Variants in SYNDIG1 observed in about 807,000 individuals in gnomAD.
The protein encoded by SYNDIG1 is synapse differentiation inducing 1.
Under a neutral mutation model 19.4 loss-of-function variants are expected in SYNDIG1, and 9 were observed. That is an observed-to-expected ratio of 0.46 (90% CI 0.28 to 0.81). The LOEUF (loss-of-function observed/expected upper bound fraction) is 0.81, where lower values mean the gene tolerates loss of function less well. Among genes scored for constraint, SYNDIG1 ranks in the 30% least tolerant of loss-of-function variants. The pLI is 0.12. For synonymous variants in SYNDIG1, 141 were observed against 145.9 expected (o/e 0.97, Z 0.24); for missense variants, 311 against 343.3 (o/e 0.91, Z 0.74).
chr20:24,509,327 G>T (rs993724132), intron 1 of SYNDIG1, among the ~76,000 whole-genome samples: 1 of 152,160 alleles, frequency 6.6e-6, no homozygotes, highest in Non-Finnish European at 1.5e-5. Flanking sequence ...TCTATCATTA[G>T]ATGTTACCCT....
At chr20:24,565,350 C>T (rs145234582) in intron 2 of SYNDIG1, among the ~76,000 whole-genome samples, 2 of 152,226 alleles carry the variant, frequency 1.3e-5, no homozygotes, top group East Asian at 1.9e-4. Context: ...ACACAGAGGC[C>T]GAGACTGTAA....
At chr20:24,655,543 G>T (rs955926780) in intron 3 of SYNDIG1, among the ~76,000 whole-genome samples, 2 of 152,156 alleles carry the variant, frequency 1.3e-5, no homozygotes, top group African/African-American at 2.4e-5. Flanking sequence ...CACTAACAAA[G>T]TTCAAAATGT....
chr20:24,635,171 C>T lies in SYNDIG1; in HGVS notation c.619-30175C>T, dbSNP rs191623996. Among the ~76,000 whole-genome samples the T allele has an allele frequency of 6.6e-5, 10 of 152,246 alleles. 1 individual carries two copies. Among genetic ancestry groups the T allele is most frequent in the Admixed American group, 5.2e-4 (8 of 15,292 alleles). On this transcript the variant is annotated intron_variant, in intron 3 of 3. Coordinates refer to ENST00000376862, the MANE Select transcript of SYNDIG1 (RefSeq NM_024893.3). ...AGACCTCACTTGTCTCCTGCTGGGC[C>T]GTGGGCCCAGGTGCTGGCTTCACGG...
At chr20:24,537,786 G>T (rs900782913) in intron 1 of SYNDIG1, among the ~76,000 whole-genome samples, 1 of 152,116 alleles carries the variant, frequency 6.6e-6, no homozygotes, top group Non-Finnish European at 1.5e-5. Context: ...ACTTGAGGGG[G>T]TACACTTTGG....
At chr20:24,624,495 A>T (rs1022161395) in intron 3 of SYNDIG1, among the ~76,000 whole-genome samples, 2 of 152,222 alleles carry the variant, frequency 1.3e-5, no homozygotes, top group Admixed American at 1.3e-4. Context: ...ATCTAAGAAG[A>T]TACAACAGTC....
Position 24,497,139 on chromosome 20 carries a change from G to T in SYNDIG1, c.-79+27386G>T, listed in dbSNP as rs112343817. On this transcript the variant is annotated intron_variant, in intron 1 of 3. Coordinates refer to ENST00000376862, the MANE Select transcript of SYNDIG1 (RefSeq NM_024893.3). ...TTGATGTCCAGGCCCTGTGAATCAAGTAAGTTTTTTCTGCTTCTCTCTTTT... is the reference window on the plus strand; with the variant it reads ...TTGATGTCCAGGCCCTGTGAATCAATTAAGTTTTTTCTGCTTCTCTCTTTT... Among the ~76,000 whole-genome samples, 1,122 of 152,288 alleles carry T rather than the reference G, an allele frequency of 7.4e-3. 3 individuals carry two copies. Among genetic ancestry groups the T allele is most frequent in the Middle Eastern group, 0.031 (9 of 294 alleles).
intron 1 of SYNDIG1, among the ~76,000 whole-genome samples, chr20:24,480,392 T>A (rs1290233663): frequency 6.6e-6 from 1 of 152,230 alleles, no homozygotes; most frequent in African/African-American, 2.4e-5. Flanking sequence ...TCCTACCAGA[T>A]AATAAAACGA....
At chr20:24,585,374 A>T (rs2058400579) in intron 3 of SYNDIG1, among the ~76,000 whole-genome samples, 1 of 152,178 alleles carries the variant, frequency 6.6e-6, no homozygotes, top group South Asian at 2.1e-4. Flanking sequence ...CAGGTGGGCT[A>T]CATTGAACTT....
intron 3 of SYNDIG1, among the ~76,000 whole-genome samples, chr20:24,587,227 G>T (rs921016720): frequency 5.3e-5 from 8 of 152,178 alleles, no homozygotes; most frequent in African/African-American, 1.7e-4. Flanking sequence ...TCTCAGGGCC[G>T]CTGGCTGCAG....
intron 1 of SYNDIG1, among the ~76,000 whole-genome samples, chr20:24,535,301 T>C (rs543397326): frequency 1.1e-4 from 17 of 152,360 alleles, no homozygotes; most frequent in African/African-American, 4.1e-4. Flanking sequence ...AATTGCTTGA[T>C]GAAGATCCAA....
At chr20:24,584,004 CT>C (rs2058371178) in intron 2 of SYNDIG1, among the ~76,000 whole-genome samples, 1 of 152,126 alleles carries the variant, frequency 6.6e-6, no homozygotes, top group Admixed American at 6.6e-5. Flanking sequence ...TAAAACAAAC[CT>C]GTACGTGCAC....
Position 24,665,375 on chromosome 20 carries a change from G to T in SYNDIG1, c.648G>T (p.Leu216Phe). The T allele has an allele frequency of 6.2e-7, 1 of 1,604,600 alleles. No individual in the cohort carries two copies. The highest frequency in any genetic ancestry group is 8.5e-7 in the Non-Finnish European group (1 of 1,177,046). The change falls in exon 4 of 4, where the codon TTG (leucine) becomes TTT (phenylalanine). Residue 216 changes from leucine (L) to phenylalanine (F), a missense_variant. By Grantham distance (22) the Leu-to-Phe change is conservative. Transcript: ENST00000376862. ...ACAAAGCCGTGGCCAAGGGGGACTT[G>T]CACCAGGCCAGCACCAGCTCCCGGC... ...ETNKAVAKGD[L>F]HQASTSSRRA...
chr20:24,505,279 G>A (rs1230319611), intron 1 of SYNDIG1, among the ~76,000 whole-genome samples: 3 of 152,166 alleles, frequency 2.0e-5, no homozygotes, highest in African/African-American at 7.2e-5. Flanking sequence ...GCGCAGCCAG[G>A]GGAGCCCTGG....
At chr20:24,502,835 G>A (rs544645449) in intron 1 of SYNDIG1, among the ~76,000 whole-genome samples, 3 of 152,260 alleles carry the variant, frequency 2.0e-5, no homozygotes, top group Admixed American at 6.5e-5. Flanking sequence ...AAGAAGAGAA[G>A]AGTGACAGTA....
chr20:24,633,897 G>A (rs980727630), intron 3 of SYNDIG1, among the ~76,000 whole-genome samples: 1 of 152,140 alleles, frequency 6.6e-6, no homozygotes, highest in African/African-American at 2.4e-5. Context: ...CGCACCAGCC[G>A]CTCTCACCTT....
intron 1 of SYNDIG1, among the ~76,000 whole-genome samples, chr20:24,513,495 C>T (rs534777076): frequency 1.4e-4 from 22 of 152,128 alleles, no homozygotes; most frequent in East Asian, 9.6e-4. Flanking sequence ...CTTCAGTAGC[C>T]GATTCGATCA....
At chr20:24,533,256 G>T (rs2146645604) in intron 1 of SYNDIG1, among the ~76,000 whole-genome samples, 1 of 152,190 alleles carries the variant, frequency 6.6e-6, no homozygotes, top group Middle Eastern at 3.4e-3. Context: ...GTCCACGTAG[G>T]CACATTACCT....
intron 1 of SYNDIG1, among the ~76,000 whole-genome samples, chr20:24,483,793 T>A (rs2055869340): frequency 6.6e-6 from 1 of 152,136 alleles, no homozygotes; most frequent in African/African-American, 2.4e-5. Flanking sequence ...TGGTCCCTCA[T>A]GGAAGAAGGG....
chr20:24,515,730 G>C (rs2056847657), intron 1 of SYNDIG1, among the ~76,000 whole-genome samples: 1 of 152,294 alleles, frequency 6.6e-6, no homozygotes, highest in Admixed American at 6.5e-5. Context: ...TCATGGATAG[G>C]AAGAATCAAT....
Sources: allele counts gnomAD v4.1 joint callset (sites outside exome capture counted in the v4.1 genomes callset), GRCh38; gene constraint gnomAD v4.1.1; transcripts MANE v1.5; gene names NCBI Gene and HGNC (gene_info 2026-07-23, HGNC 2026-07-21).